Variants in CLIP2 observed in about 807,000 individuals in gnomAD.
CLIP2 encodes the protein CAP-Gly domain-containing linker protein 2.
CLIP2 carries 41 observed loss-of-function variants against 111.7 expected under a neutral mutation model. The ratio of observed to expected loss-of-function variants is 0.37; its 90% CI spans 0.29 to 0.48. The LOEUF (loss-of-function observed/expected upper bound fraction) is 0.48, where lower values mean the gene tolerates loss of function less well. CLIP2 is among the 20% of genes least tolerant of loss of function. CLIP2 has a pLI of 0.99. For missense variants in CLIP2, 1,160 were observed against 1,422.1 expected (o/e 0.82, Z 2.96); for synonymous variants, 660 against 644.2 (o/e 1.02, Z -0.37).
intron 1 of CLIP2, among the ~76,000 whole-genome samples, chr7:74,312,698 G>A (rs932823676): frequency 2.0e-5 from 3 of 152,128 alleles, no homozygotes; most frequent in South Asian, 2.1e-4. Context: ...CAGAATTCCC[G>A]GGGCACCAGG....
rs543668667 is a variant in CLIP2 at position 74,395,366 on chromosome 7, C to CT, written c.2721-1708_2721-1707insT. Reference sequence around the variant, plus strand: ...TAGAGATGGGGTTTCACCATGTTGACAGGCTGGTCTTGACTCATGACCTCA... The same window carrying CT: ...TAGAGATGGGGTTTCACCATGTTGACTAGGCTGGTCTTGACTCATGACCTCA... On this transcript the variant is annotated intron_variant, in intron 13 of 16. Transcript: ENST00000223398. 1.0e-3 allele frequency among the ~76,000 whole-genome samples: 155 copies of CT among 152,232 alleles called. 4 individuals are homozygous for CT. In the South Asian group the frequency reaches 0.031, roughly 31 times the overall value.
chr7:74,396,315 G>A (rs781906728), intron 13 of CLIP2, among the ~76,000 whole-genome samples: 4 of 152,058 alleles, frequency 2.6e-5, no homozygotes, highest in Non-Finnish European at 5.9e-5. Flanking sequence ...TAATCCCAGC[G>A]TTTTGGGAAG....
At chr7:74,390,099 A>AAAAG (rs782212797) in intron 13 of CLIP2, among the ~76,000 whole-genome samples, 158 of 146,676 alleles carry the variant, frequency 1.1e-3, no homozygotes, top group South Asian at 1.5e-3. Context: ...TTAAAAAAAA[A>AAAAG]AAAGAAAGAA....
chr7:74,292,118 C>T (rs1477137458), intron 1 of CLIP2, among the ~76,000 whole-genome samples: 1 of 152,050 alleles, frequency 6.6e-6, no homozygotes, highest in African/African-American at 2.4e-5. Flanking sequence ...GACGGGGTTT[C>T]ACCATGTTGG....
intron 2 of CLIP2, among the ~76,000 whole-genome samples, chr7:74,334,823 C>CA (rs34044824): frequency 0.76 from 101,080 of 132,970 alleles, 40,373 homozygotes; most frequent in Non-Finnish European, 0.91. Flanking sequence ...TAATAAAATA[C>CA]AAAAAAAAAA....
intron 3 of CLIP2, among the ~76,000 whole-genome samples, chr7:74,348,658 C>T (rs1034945394): frequency 1.6e-4 from 25 of 151,764 alleles, no homozygotes; most frequent in African/African-American, 6.1e-4. Context: ...GGCATGGTGG[C>T]GGGCGCCTGT....
chr7:74,319,237 G>A (rs1028885766), intron 2 of CLIP2, among the ~76,000 whole-genome samples: 4 of 152,184 alleles, frequency 2.6e-5, no homozygotes, highest in Admixed American at 6.6e-5. Flanking sequence ...AAAAGGCCGG[G>A]GACGGTGGCT....
intron 14 of CLIP2, among the ~76,000 whole-genome samples, chr7:74,399,991 A>G (rs1467751399): frequency 6.6e-6 from 1 of 151,570 alleles, no homozygotes; most frequent in Non-Finnish European, 1.5e-5. Flanking sequence ...CGTCTCTACT[A>G]AAAATAGGAA....
intron 11 of CLIP2, among the ~76,000 whole-genome samples, chr7:74,384,869 G>A (rs797029547): frequency 1.3e-5 from 2 of 152,024 alleles, no homozygotes; most frequent in African/African-American, 4.8e-5. Flanking sequence ...CAGGCTGGGC[G>A]CAGTGGCTCA....
At chr7:74,352,359 C>T (rs1192661196) in intron 3 of CLIP2, among the ~76,000 whole-genome samples, 3 of 150,722 alleles carry the variant, frequency 2.0e-5, no homozygotes, top group Non-Finnish European at 4.4e-5. Context: ...ATCACTTGAA[C>T]TCGGGAGGTG....
At position 74,360,163 on chromosome 7, in the gene CLIP2, T is replaced by C. The variant is rs542092183; in HGVS notation, c.1216-12T>C. On this transcript the variant is annotated splice_polypyrimidine_tract_variant and intron_variant, in intron 6 of 16. Transcript: ENST00000223398. Reference sequence around the variant, plus strand: ...CATGCTGACCCTGTCCTGGCCTTCCTTGGGGGCCCAGTATGTTGCAGAAGC... The same window carrying C: ...CATGCTGACCCTGTCCTGGCCTTCCCTGGGGGCCCAGTATGTTGCAGAAGC... The C allele has an allele frequency of 1.4e-5, 22 of 1,589,102 alleles. No homozygotes were observed. The Admixed American group carries it at 1.4e-4, about 10-fold the overall frequency.
At position 74,405,415 on chromosome 7, in the gene CLIP2, A is replaced by G. The variant is rs1298885249; in HGVS notation, c.*1567A>G. On this transcript the variant is annotated 3_prime_UTR_variant, in exon 17 of 17. Transcript: ENST00000223398. ...CGTGTGCAATTCATAGGAACGGCCC[A>G]GATCGCCCTCATGAGTGCCACCTGG... 2 of 152,458 alleles carry G rather than the reference A, an allele frequency of 1.3e-5. No homozygotes were observed. The highest frequency in any genetic ancestry group is 4.8e-5 in the African/African-American group (2 of 41,430). 9.4% of individuals were successfully genotyped at this position (152,458 alleles called of 1,614,324 possible).
In CLIP2 at chr7:74,376,094, G is replaced by C. The variant is rs202242032; in HGVS notation, c.1693G>C (p.Asp565His). 7 of 1,611,794 alleles carry C rather than the reference G, an allele frequency of 4.3e-6. No homozygotes were observed. Among genetic ancestry groups the C allele is most frequent in the Non-Finnish European group, 4.2e-6 (5 of 1,179,310 alleles). ...CCAGAGGGAGAGTGGGGTGCTGCGGGATAAATACGAGAAGGCCCTGAAGGC... is the reference window on the plus strand; with the variant it reads ...CCAGAGGGAGAGTGGGGTGCTGCGGCATAAATACGAGAAGGCCCTGAAGGC... ...EHQRESGVLR[D>H]KYEKALKAYQ... The change falls in exon 10 of 17, where the codon GAT (aspartate) becomes CAT (histidine). Residue 565 changes from aspartate (D) to histidine (H), a missense_variant. Transcript: ENST00000223398. This position sits in a 1 kb window ranked among gnomAD's most constrained non-coding sequence, Gnocchi z 7.1.
intron 8 of CLIP2, among the ~76,000 whole-genome samples, chr7:74,372,611 G>A (rs1050428193): frequency 4.6e-5 from 7 of 152,084 alleles, no homozygotes; most frequent in South Asian, 2.1e-4. Flanking sequence ...ACAGAAAAGC[G>A]AGGTGCCCAT....
At chr7:74,313,006 C>T (rs1385051190) in intron 1 of CLIP2, among the ~76,000 whole-genome samples, 1 of 151,620 alleles carries the variant, frequency 6.6e-6, no homozygotes, top group African/African-American at 2.4e-5. Context: ...TGACATTGTC[C>T]CTCAAATAGG....
intron 11 of CLIP2, 86 bp from the exon 12 acceptor site, chr7:74,386,435 G>C (rs1554314791): frequency 1.2e-5 from 13 of 1,071,662 alleles, no homozygotes; most frequent in Non-Finnish European, 1.4e-6. Context: ...CCCCGTCACA[G>C]AGCTCCTGTG....
chr7:74,361,745 A>G (rs880003287), intron 7 of CLIP2, among the ~76,000 whole-genome samples: 18 of 152,150 alleles, frequency 1.2e-4, no homozygotes, highest in Admixed American at 1.3e-4. Context: ...AACAGCAGCC[A>G]AGGGACTCCT....
chr7:74,347,561 T>C (rs149360540), intron 3 of CLIP2, among the ~76,000 whole-genome samples: 1,816 of 152,068 alleles, frequency 0.012, 59 homozygotes, highest in Admixed American at 0.065. Flanking sequence ...AGCCACCGCG[T>C]CCGGCCAAAC....
chr7:74,372,879 C>A (rs1454432985), intron 8 of CLIP2, 53 bp from the exon 9 acceptor site: 2 of 577,928 alleles, frequency 3.5e-6, no homozygotes, highest in African/African-American at 2.0e-5. Flanking sequence ...CTGTGCCCCC[C>A]TCCCTGCGTC....
Sources: gnomAD v4.1 joint callset for allele counts (sites outside exome capture counted in the v4.1 genomes callset) on GRCh38, gnomAD v4.1.1 for gene constraint, Gnocchi (gnomAD v3.1) non-coding constraint, MANE v1.5 for transcripts, NCBI Gene and HGNC (gene_info 2026-07-23, HGNC 2026-07-21) for gene names.